TBL1XR1: variants seen among roughly 807,000 people sequenced by gnomAD.
TBL1XR1 encodes TBL1X/Y related 1.
A neutral mutation model predicts 66.9 loss-of-function variants in TBL1XR1; 5 were observed. That is an observed-to-expected ratio of 0.07 (90% confidence interval 0.04 to 0.16). The LOEUF (loss-of-function observed/expected upper bound fraction) is 0.16, where lower values mean the gene tolerates loss of function less well. Among genes scored for constraint, TBL1XR1 ranks in the 10% least tolerant of loss-of-function variants. The pLI, the probability that TBL1XR1 is intolerant of heterozygous loss-of-function variation, is 1.00. For missense variants in TBL1XR1, 238 were observed against 623.2 expected (o/e 0.38, Z 6.58); for synonymous variants, 210 against 206.0 (o/e 1.02, Z -0.17).
intron 2 of TBL1XR1, among the ~76,000 whole-genome samples, chr3:177,075,874 C>T (rs1720636350): frequency 6.6e-6 from 1 of 152,134 alleles, no homozygotes; most frequent in Non-Finnish European, 1.5e-5. Context: ...GTTCACAGGG[C>T]CGCATTCCCT....
intron 10 of TBL1XR1, among the ~76,000 whole-genome samples, chr3:177,040,296 C>A (rs1715402916): frequency 6.6e-6 from 1 of 152,100 alleles, no homozygotes; most frequent in African/African-American, 2.4e-5. Context: ...GTCTGGGCAA[C>A]AGAGTAAGAC....
chr3:177,094,496 C>T (rs1429080427), intron 2 of TBL1XR1, among the ~76,000 whole-genome samples: 1 of 152,148 alleles, frequency 6.6e-6, no homozygotes, highest in East Asian at 1.9e-4. Flanking sequence ...AAAAAGAAGT[C>T]ATTATATGAA....
At chr3:177,053,172 GT>G (rs1247870750) in intron 4 of TBL1XR1, among the ~76,000 whole-genome samples, 2 of 152,146 alleles carry the variant, frequency 1.3e-5, no homozygotes, top group East Asian at 3.9e-4. Context: ...ACCTTTTTCT[GT>G]AAAAGAGTAG....
chr3:177,121,819 G>T (rs1727010844), intron 1 of TBL1XR1, among the ~76,000 whole-genome samples: 1 of 151,910 alleles, frequency 6.6e-6, no homozygotes, highest in South Asian at 2.1e-4. Context: ...TTTAGATACT[G>T]CAAGTGGTTT....
rs140286924 is a variant in TBL1XR1 at position 177,130,535 on chromosome 3, T to C, written c.-121-31994A>G. On this transcript the variant is annotated intron_variant, in intron 1 of 15. Transcript: ENST00000457928. ...ATATTACGTACTTTTCTGTATATAG[T>C]AACATCATCTCTGGAAGGACACATA... 1.4e-3 allele frequency among the ~76,000 whole-genome samples: 218 copies of C among 152,316 alleles called. 1 individual carries two copies. The highest frequency in any genetic ancestry group is 5.1e-3 in the African/African-American group (212 of 41,560).
In TBL1XR1 at chr3:177,026,243, GA is replaced by G. The variant is rs3046447; in HGVS notation, c.1518+129del. 163,605 of 579,496 alleles carry G rather than the reference GA, an allele frequency of 0.28. 15,161 individuals carry two copies. Among genetic ancestry groups the G allele is most frequent in the East Asian group, 0.48 (13,102 of 27,302 alleles). The allele number at this position is 579,496 out of a possible 1,614,324, so 35.9% of individuals were successfully genotyped here. On this transcript the variant is annotated intron_variant, in intron 15 of 15. Transcript: ENST00000457928. ...GCACATGAAAAGTTTACAGCCTCAG[GA>G]AAAAAAAAAATCAGTATCATACCTT...
At chr3:177,033,632 A>T (rs565830709) in intron 13 of TBL1XR1, among the ~76,000 whole-genome samples, 1 of 152,284 alleles carries the variant, frequency 6.6e-6, no homozygotes, top group South Asian at 2.1e-4. Context: ...ATAACTTGAA[A>T]CAATAATAAA....
chr3:177,107,274 G>C (rs890301716), intron 1 of TBL1XR1, among the ~76,000 whole-genome samples: 1 of 152,172 alleles, frequency 6.6e-6, no homozygotes, highest in African/African-American at 2.4e-5. Context: ...AACTCAAAGA[G>C]TCGCTCTTAT....
In TBL1XR1 at chr3:177,184,793, T is replaced by C. The variant is rs147343016; in HGVS notation, c.-122+12328A>G. ...CAGCCTGGATGAGACAGAGCAAGAC[T>C]GTGGCTCAAAAAAAAAAAAAAATCA... On this transcript the variant is annotated intron_variant, in intron 1 of 15. Coordinates refer to ENST00000457928, the MANE Select transcript of TBL1XR1 (RefSeq NM_024665.7). Among the ~76,000 whole-genome samples, 173 of 123,050 alleles carry C rather than the reference T, an allele frequency of 1.4e-3. 2 individuals are homozygous for C. The East Asian group carries it at 0.034, about 24-fold the overall frequency. The allele number at this position is 123,050 out of a possible 152,430, so 80.7% of individuals were successfully genotyped here.
intron 2 of TBL1XR1, among the ~76,000 whole-genome samples, chr3:177,071,238 TC>T (rs1442668144): frequency 2.0e-5 from 3 of 151,876 alleles, no homozygotes; most frequent in African/African-American, 7.3e-5. Flanking sequence ...CATCTAAGAA[TC>T]TCAAAGAGTG....
chr3:177,073,795 C>T (rs1239658004), intron 2 of TBL1XR1, among the ~76,000 whole-genome samples: 1 of 152,144 alleles, frequency 6.6e-6, no homozygotes, highest in Non-Finnish European at 1.5e-5. Flanking sequence ...AGTAAAGGCG[C>T]ACTGCTCCCG....
chr3:177,052,318 C>T (rs1156878024), intron 4 of TBL1XR1, among the ~76,000 whole-genome samples: 2 of 152,144 alleles, frequency 1.3e-5, no homozygotes, highest in Non-Finnish European at 2.9e-5. Context: ...GAGACACAAA[C>T]ACAGAACAAG....
intron 1 of TBL1XR1, among the ~76,000 whole-genome samples, chr3:177,175,096 A>G (rs1183534287): frequency 6.6e-6 from 1 of 152,184 alleles, no homozygotes; most frequent in Non-Finnish European, 1.5e-5. Context: ...AAATTATTTT[A>G]ATGTACACTG....
At chr3:177,167,099 C>T (rs147273847) in intron 1 of TBL1XR1, among the ~76,000 whole-genome samples, 5 of 152,258 alleles carry the variant, frequency 3.3e-5, no homozygotes, top group Admixed American at 6.5e-5. Flanking sequence ...GTAATGGAGA[C>T]GCCCTTCAGT....
chr3:177,071,854 A>G (rs1371461562), intron 2 of TBL1XR1, among the ~76,000 whole-genome samples: 3 of 152,184 alleles, frequency 2.0e-5, no homozygotes, highest in Non-Finnish European at 2.9e-5. Context: ...ATCCACCATG[A>G]AAGTCTCATA....
At chr3:177,036,204 G>C (rs548768979) in intron 12 of TBL1XR1, among the ~76,000 whole-genome samples, 1 of 152,274 alleles carries the variant, frequency 6.6e-6, no homozygotes, top group East Asian at 1.9e-4. Context: ...CCACCAGCCT[G>C]ATTGAACCCC....
chr3:177,058,957 T>A (rs1015707297), intron 3 of TBL1XR1, among the ~76,000 whole-genome samples: 1 of 152,262 alleles, frequency 6.6e-6, no homozygotes, highest in Admixed American at 6.5e-5. Context: ...TCAGCATTTA[T>A]GACAACTGCT....
In TBL1XR1 at chr3:177,194,445, TTC is replaced by T. The variant is rs568023118; in HGVS notation, c.-122+2674_-122+2675del. ...TTCCTACCATTCACATTCTTCTTTA[TTC>T]TTTTTATATAAATGACACCAAAAAT... On this transcript the variant is annotated intron_variant, in intron 1 of 15. Coordinates refer to ENST00000457928, the MANE Select transcript of TBL1XR1 (RefSeq NM_024665.7). Among the ~76,000 whole-genome samples, 536 of 152,370 alleles carry T rather than the reference TTC, an allele frequency of 3.5e-3. 2 individuals carry two copies. Among genetic ancestry groups the T allele is most frequent in the African/African-American group, 0.012 (511 of 41,586 alleles).
intron 1 of TBL1XR1, among the ~76,000 whole-genome samples, chr3:177,162,288 G>A (rs1490159683): frequency 6.6e-6 from 1 of 152,180 alleles, no homozygotes; most frequent in Non-Finnish European, 1.5e-5. Context: ...AGATTTACAT[G>A]ACCAGTCTCT....
Sources: gnomAD v4.1 joint callset for allele counts (sites outside exome capture counted in the v4.1 genomes callset) on GRCh38, gnomAD v4.1.1 for gene constraint, MANE v1.5 for transcripts, NCBI Gene and HGNC (gene_info 2026-07-23, HGNC 2026-07-21) for gene names.